SLC38A7: variants seen among roughly 807,000 people sequenced by gnomAD.
SLC38A7 encodes sodium-coupled neutral amino acid transporter 7.
Under a neutral mutation model 50.1 loss-of-function variants are expected in SLC38A7, and 29 were observed. The observed-to-expected ratio is 0.58, with a 90% CI of 0.43 to 0.79. SLC38A7 has a LOEUF of 0.79. SLC38A7 is among the 30% of genes least tolerant of loss of function. The pLI is 0.00. For synonymous variants in SLC38A7, 244 were observed against 245.9 expected (o/e 0.99, Z 0.07); for missense variants, 483 against 610.6 (o/e 0.79, Z 2.20).
At position 58,678,468 on chromosome 16, in the gene SLC38A7, G is replaced by A; in HGVS notation, c.476C>T (p.Ala159Val). The change falls in exon 5 of 12, where the codon GCT becomes GTT. Residue 159 changes from alanine to valine, a missense_variant. Transcript: ENST00000219320. The surrounding 1 kb of genome is among the most constrained non-coding windows in gnomAD (Gnocchi z 4.0). ...CCCCTCCGGCTCTTTCGCCATCACA[G>A]CTATAACTGCACAGGGAGGAAGGAG... is the stretch of plus-strand genomic sequence containing the variant. ...IIGDQQDKII[A>V]VMAKEPEGAS... 1.3e-6 allele frequency: 2 copies of A among 1,556,324 alleles called. No homozygotes were observed. Among genetic ancestry groups the A allele is most frequent in the Non-Finnish European group, 1.7e-6 (2 of 1,149,946 alleles).
intron 3 of SLC38A7, 157 bp downstream of exon 3, chr16:58,679,700 G>T: frequency 1.0e-6 from 1 of 973,486 alleles, no homozygotes; most frequent in Non-Finnish European, 1.5e-6. Context: ...TGGGTCACAG[G>T]AAAGAATACT....
At chr16:58,682,851 T>C (rs564725647) in intron 2 of SLC38A7, among the ~76,000 whole-genome samples, 2 of 152,226 alleles carry the variant, frequency 1.3e-5, no homozygotes, top group African/African-American at 4.8e-5. Context: ...AGGCTGGTCT[T>C]GAACTCCTGA....
At chr16:58,675,885 T>C in intron 8 of SLC38A7, 55 bp downstream of exon 8, 1 of 1,411,520 alleles carries the variant, frequency 7.1e-7, no homozygotes, top group South Asian at 1.2e-5. Flanking sequence ...ACCTAGGGAC[T>C]CCTGTGGAAG....
Position 58,678,712 on chromosome 16 carries a change from G to A in SLC38A7, c.453C>T (p.Gly151=), listed in dbSNP as rs775560523. The change falls in exon 4 of 12, where the codon GGC becomes GGT. Residue 151 remains glycine (G), a synonymous_variant. Transcript: ENST00000219320. This position sits in a 1 kb window ranked among gnomAD's most constrained non-coding sequence, Gnocchi z 4.0. ...GAAGCTCACTCTTGTCCTGCTGGTCGCCAATGATGATTAGGAAGGCAATGC... is the reference window on the plus strand; with the variant it reads ...GAAGCTCACTCTTGTCCTGCTGGTCACCAATGATGATTAGGAAGGCAATGC... ...GTCIAFLIII[G]DQQDKIIAVM... The A allele has an allele frequency of 1.4e-5, 22 of 1,613,826 alleles. No homozygotes were observed. The highest frequency in any genetic ancestry group is 3.3e-5 in the South Asian group (3 of 91,064).
chr16:58,676,197 C>T (rs900046309), intron 7 of SLC38A7, 92 bp downstream of exon 7: 12 of 1,585,354 alleles, frequency 7.6e-6, no homozygotes, highest in African/African-American at 5.4e-5. Flanking sequence ...GGATTTCCTC[C>T]ATTCTGCCTG....
At chr16:58,677,921 T>A (rs142723986) in intron 5 of SLC38A7, among the ~76,000 whole-genome samples, 5 of 151,850 alleles carry the variant, frequency 3.3e-5, no homozygotes, top group Admixed American at 6.6e-5. Flanking sequence ...CCACAGCCTT[T>A]CAGACACCGA....
chr16:58,678,270 C>A lies in SLC38A7; in HGVS notation c.611+63G>T. On this transcript the variant is annotated intron_variant, in intron 5 of 11. Transcript: ENST00000219320. This position sits in a 1 kb window ranked among gnomAD's most constrained non-coding sequence, Gnocchi z 4.0. The stretch of plus-strand genomic sequence containing the variant: ...ATGGAGGAGCAGGGTTCCCCAGGAG[C>A]CCTTGGGTCTACAGCTGCCCAGGAT... 6.9e-7 allele frequency: 1 copy of A among 1,459,640 alleles called. No individual in the cohort carries two copies. Among genetic ancestry groups the A allele is most frequent in the Middle Eastern group, 1.9e-4 (1 of 5,390 alleles). 90.4% of individuals were successfully genotyped at this position (1,459,640 alleles called of 1,614,324 possible). A position where few individuals can be genotyped will look rare whatever the true frequency, so the allele number is the denominator to read the frequency against.
chr16:58,673,083 ATTTTTTTTTTTTT>A (rs34081609), intron 8 of SLC38A7, among the ~76,000 whole-genome samples: 20 of 60,360 alleles, frequency 3.3e-4, no homozygotes, highest in Admixed American at 1.7e-3. Flanking sequence ...TGCCCGGCTA[ATTTTTTTTTTTTT>A]TTTTTTTTTT....
At position 58,679,943 on chromosome 16, in the gene SLC38A7, T is replaced by TGAC. The variant is rs1375587426; in HGVS notation, c.181_183dup (p.Val61dup). 6.2e-7 allele frequency: 1 copy of TGAC among 1,611,772 alleles called. No individual in the cohort carries two copies. Among genetic ancestry groups the TGAC allele is most frequent in the East Asian group, 2.2e-5 (1 of 44,854 alleles). On this transcript the variant is annotated inframe_insertion, in exon 3 of 12. Coordinates refer to ENST00000219320, the MANE Select transcript of SLC38A7 (RefSeq NM_018231.3). ...AGTAACCCTGCACCCAGGCACGCGT[T>TGAC]GACGACGATGAAGATGGCCCCAAGT...
At position 58,675,924 on chromosome 16, in the gene SLC38A7, G is replaced by GT. The variant is rs756106698; in HGVS notation, c.883+15_883+16insA. On this transcript the variant is annotated intron_variant, in intron 8 of 11. Transcript: ENST00000219320. ...GAGCACTCTAGTCCCAGGTCTTGGG[G>GT]GGGGGGAGCACTCACCTGTCCCCAT... 17 of 1,587,920 alleles carry GT rather than the reference G, an allele frequency of 1.1e-5. No individual in the cohort carries two copies. The African/African-American group carries it at 1.3e-4, about 13-fold the overall frequency.
intron 8 of SLC38A7, among the ~76,000 whole-genome samples, chr16:58,675,019 C>T (rs1238266496): frequency 6.6e-6 from 1 of 152,196 alleles, no homozygotes; most frequent in Non-Finnish European, 1.5e-5. Context: ...CACCTGCCCC[C>T]ATCACACACC....
Position 58,667,522 on chromosome 16 carries a change from C to G in SLC38A7, c.1287-35G>C, listed in dbSNP as rs1157613833. ...AGAGGGTGAGAGAGGTCTGATCAGTCATCCCATCCCATGACTGCAGACTTC... is the reference window on the plus strand; with the variant it reads ...AGAGGGTGAGAGAGGTCTGATCAGTGATCCCATCCCATGACTGCAGACTTC... On this transcript the variant is annotated intron_variant, in intron 11 of 11. Transcript: ENST00000219320. 2.7e-6 allele frequency: 4 copies of G among 1,505,154 alleles called. No individual in the cohort carries two copies. In the South Asian group the frequency reaches 4.9e-5, roughly 19 times the overall value. 93.2% of individuals were successfully genotyped at this position (1,505,154 alleles called of 1,614,324 possible).
intron 9 of SLC38A7, chr16:58,671,806 C>T (rs1179729216): frequency 3.3e-5 from 9 of 271,572 alleles, no homozygotes; most frequent in Middle Eastern, 1.1e-3. Flanking sequence ...CAGGCTCAAG[C>T]GATCCTTCTG....
Position 58,668,331 on chromosome 16 carries a change from T to G in SLC38A7, c.1287-844A>C, listed in dbSNP as rs112028878. On this transcript the variant is annotated intron_variant, in intron 11 of 11. Coordinates refer to ENST00000219320, the MANE Select transcript of SLC38A7 (RefSeq NM_018231.3). ...GGCTCACGCCTGTAATCCCAGAACT[T>G]TGGGAGGCCAAGGTGGGCGGATCAC... Among the ~76,000 whole-genome samples the G allele has an allele frequency of 7.9e-3, 1,210 of 152,224 alleles. 19 individuals carry two copies. Among genetic ancestry groups the G allele is most frequent in the African/African-American group, 0.027 (1,135 of 41,572 alleles).
chr16:58,670,278 T>C, intron 10 of SLC38A7, 111 bp from the exon 11 acceptor site: 3 of 1,027,920 alleles, frequency 2.9e-6, no homozygotes, highest in South Asian at 3.0e-5. Flanking sequence ...CCATGTTTAC[T>C]CTTCTAGAAA....
chr16:58,678,192 C>A lies in SLC38A7; in HGVS notation c.611+141G>T, dbSNP rs540599422. 245 of 939,924 alleles carry A rather than the reference C, an allele frequency of 2.6e-4. 1 individual carries two copies. In the Middle Eastern group the frequency reaches 3.3e-3, roughly 13 times the overall value. 58.2% of individuals were successfully genotyped at this position (939,924 alleles called of 1,614,324 possible). Reference sequence around the variant, plus strand: ...AAGGATGGTCTTATCTGAAACCCTGCAAGCCCCGGTCTGCCCTGCCTTGCC... The same window carrying A: ...AAGGATGGTCTTATCTGAAACCCTGAAAGCCCCGGTCTGCCCTGCCTTGCC... On this transcript the variant is annotated intron_variant, in intron 5 of 11. Transcript: ENST00000219320. This position sits in a 1 kb window ranked among gnomAD's most constrained non-coding sequence, Gnocchi z 4.0.
chr16:58,678,240 G>A lies in SLC38A7; in HGVS notation c.611+93C>T, dbSNP rs2044310346. Reference sequence around the variant, plus strand: ...GCCTACTCTTGCTCCCCAAGGTGAGGTGGCATGGAGGAGCAGGGTTCCCCA... The same window carrying A: ...GCCTACTCTTGCTCCCCAAGGTGAGATGGCATGGAGGAGCAGGGTTCCCCA... On this transcript the variant is annotated intron_variant, in intron 5 of 11. Transcript: ENST00000219320. This position sits in a 1 kb window ranked among gnomAD's most constrained non-coding sequence, Gnocchi z 4.0. 5 of 1,390,520 alleles carry A rather than the reference G, an allele frequency of 3.6e-6. No homozygotes were observed. 86.1% of individuals were successfully genotyped at this position (1,390,520 alleles called of 1,614,324 possible). A position where few individuals can be genotyped will look rare whatever the true frequency, so the allele number is the denominator to read the frequency against.
chr16:58,671,422 G>A (rs1597665803), intron 9 of SLC38A7, 178 bp from the exon 10 acceptor site: 9 of 613,332 alleles, frequency 1.5e-5, no homozygotes, highest in Middle Eastern at 8.8e-4. Context: ...GACTAGAGAC[G>A]GTGAATGTCG....
At position 58,665,573 on chromosome 16, in the gene SLC38A7, C is replaced by T. The variant is rs980460027; in HGVS notation, c.*1812G>A. On this transcript the variant is annotated 3_prime_UTR_variant, in exon 12 of 12. Transcript: ENST00000219320. ...AGATCGGACTGCCCTGAGTGGCGGG[C>T]GGCTCGGCAGGGGGTCCCTCTCGTA... is the stretch of plus-strand genomic sequence containing the variant. 8 of 152,490 alleles carry T rather than the reference C, an allele frequency of 5.2e-5. No homozygotes were observed. The highest frequency in any genetic ancestry group is 2.1e-4 in the South Asian group (1 of 4,832). The allele number at this position is 152,490 out of a possible 1,614,324, so 9.4% of individuals were successfully genotyped here.
Sources: gnomAD v4.1 joint callset for allele counts (sites outside exome capture counted in the v4.1 genomes callset) on GRCh38, gnomAD v4.1.1 for gene constraint, Gnocchi (gnomAD v3.1) non-coding constraint, MANE v1.5 for transcripts, NCBI Gene and HGNC (gene_info 2026-07-23, HGNC 2026-07-21) for gene names.